PCM1: variants seen among roughly 807,000 people sequenced by gnomAD.
PCM1 encodes pericentriolar material 1.
Under a neutral mutation model 241.9 loss-of-function variants are expected in PCM1, and 157 were observed. The observed-to-expected ratio is 0.65, with a 90% CI of 0.57 to 0.74. PCM1 has a LOEUF of 0.74. PCM1 is among the 30% of genes least tolerant of loss of function. The probability of loss-of-function intolerance (pLI) is 0.00; values close to 1 mark genes in which losing one functional copy is unlikely to be tolerated. For synonymous variants in PCM1, 1,085 were observed against 784.9 expected, an observed-to-expected ratio of 1.38 and a Z score of -6.39; for missense variants, 3,478 against 2,360.1, an observed-to-expected ratio of 1.47 and a Z score of -9.81.
At chr8:18,010,503 G>A (rs2129485317) in intron 31 of PCM1, 106 bp from the exon 32 acceptor site, 5 of 760,490 alleles carry the variant, frequency 6.6e-6, no homozygotes, top group South Asian at 3.5e-5. Flanking sequence ...ATACAGGCCA[G>A]GCTTAGGTCT....
At chr8:18,017,092 G>A (rs1002354908) in intron 36 of PCM1, among the ~76,000 whole-genome samples, 1 of 152,122 alleles carries the variant, frequency 6.6e-6, no homozygotes, top group East Asian at 1.9e-4. Flanking sequence ...GAAGAGTATT[G>A]CCAACCCTTT....
chr8:17,977,220 CTT>C (rs2079081384), intron 23 of PCM1, among the ~76,000 whole-genome samples: 1 of 152,062 alleles, frequency 6.6e-6, no homozygotes, highest in Non-Finnish European at 1.5e-5. Flanking sequence ...CACTCATACT[CTT>C]TATTGCTGGT....
intron 6 of PCM1, among the ~76,000 whole-genome samples, chr8:17,946,887 C>G (rs2064014386): frequency 6.9e-6 from 1 of 144,342 alleles, no homozygotes; most frequent in Admixed American, 6.9e-5. Context: ...GTGTCCGTGT[C>G]CCTCTTGGCC....
intron 29 of PCM1, among the ~76,000 whole-genome samples, chr8:17,999,573 C>T (rs1162276045): frequency 6.6e-6 from 1 of 152,016 alleles, no homozygotes; most frequent in Non-Finnish European, 1.5e-5. Context: ...GCTCTCGTCT[C>T]CTCAAGCAGA....
In PCM1 at chr8:17,947,255, A is replaced by G; in HGVS notation, c.853A>G (p.Arg285Gly). The change falls in exon 7 of 39, where the codon AGA becomes GGA. Residue 285 changes from arginine to glycine, a missense_variant. By Grantham distance (125) the Arg-to-Gly change is moderately radical. Coordinates refer to ENST00000325083, the MANE Select transcript of PCM1 (RefSeq NM_006197.4). ...NLKKQHDLLK[R>G]MLQQQEQLRA... ...GAAGAAACAACATGATTTATTAAAA[A>G]GAATGTTACAACAGCAGGAGCAACT... is the stretch of plus-strand genomic sequence containing the variant. The G allele has an allele frequency of 6.2e-7, 1 of 1,610,872 alleles. No homozygotes were observed. The highest frequency in any genetic ancestry group is 8.5e-7 in the Non-Finnish European group (1 of 1,177,298).
intron 21 of PCM1, among the ~76,000 whole-genome samples, chr8:17,968,026 G>A (rs943732666): frequency 2.0e-5 from 3 of 151,048 alleles, no homozygotes; most frequent in African/African-American, 7.4e-5. Context: ...TGCAAATGCT[G>A]GGAAGTGTCA....
At position 17,955,466 on chromosome 8, in the gene PCM1, T is replaced by C; in HGVS notation, c.1289-4T>C. The C allele has an allele frequency of 1.1e-5, 18 of 1,579,646 alleles. No homozygotes were observed. Among genetic ancestry groups the C allele is most frequent in the Non-Finnish European group, 1.5e-5 (18 of 1,163,958 alleles). On this transcript the variant is annotated splice_region_variant and splice_polypyrimidine_tract_variant and intron_variant, in intron 9 of 38. Coordinates refer to ENST00000325083, the MANE Select transcript of PCM1 (RefSeq NM_006197.4). ...AAAATTTTTTGTTGTTGTGCCTTCT[T>C]CAGCCTCTCCACAAAGGAGTGTCGA...
chr8:18,015,362 A>G (rs193218500), intron 36 of PCM1, among the ~76,000 whole-genome samples: 1 of 152,306 alleles, frequency 6.6e-6, no homozygotes, highest in East Asian at 1.9e-4. Context: ...AAAAACCTTT[A>G]AAGTAATTAA....
chr8:18,014,595 A>G lies in PCM1; in HGVS notation c.5596A>G (p.Asn1866Asp), dbSNP rs769082190. 5.0e-6 allele frequency: 8 copies of G among 1,603,936 alleles called. No individual in the cohort carries two copies. Among genetic ancestry groups the G allele is most frequent in the Non-Finnish European group, 6.8e-6 (8 of 1,173,674 alleles). The change falls in exon 36 of 39, where the codon AAC (asparagine) becomes GAC (aspartate). Residue 1866 changes from asparagine (N) to aspartate (D), a missense_variant. Physicochemically the swap from Asn to Asp is conservative, Grantham distance 23. Transcript: ENST00000325083. Reference protein sequence around the residue: ...REATSKNDQNNCPVKPCYLNI... With the variant: ...REATSKNDQNDCPVKPCYLNI... Reference sequence around the variant, plus strand: ...TCTTTTGATGACAGATGACCAAAATAACTGTCCTGTGAAACCCTGTTACCT... The same window carrying G: ...TCTTTTGATGACAGATGACCAAAATGACTGTCCTGTGAAACCCTGTTACCT...
chr8:18,014,505 G>A (rs576517116), intron 35 of PCM1, 79 bp from the exon 36 acceptor site: 42 of 1,131,458 alleles, frequency 3.7e-5, no homozygotes, highest in East Asian at 4.9e-5. Flanking sequence ...TTATTCAGGC[G>A]TATTGTCTTT....
intron 24 of PCM1, chr8:17,983,272 C>T (rs368559712): frequency 7.5e-7 from 1 of 1,324,810 alleles, no homozygotes; most frequent in Non-Finnish European, 9.9e-7. Flanking sequence ...AACAGAAATG[C>T]ATGCAATGAA....
intron 29 of PCM1, among the ~76,000 whole-genome samples, chr8:18,003,411 T>C (rs1214085819): frequency 6.6e-6 from 1 of 152,182 alleles, no homozygotes; most frequent in Non-Finnish European, 1.5e-5. Context: ...TTGACATTAT[T>C]GAAAAAGGCA....
chr8:18,010,719 AC>A (rs1564365334), intron 32 of PCM1, 51 bp downstream of exon 32: 2 of 1,355,366 alleles, frequency 1.5e-6, no homozygotes, highest in South Asian at 1.3e-5. Flanking sequence ...GCGGTGGCTC[AC>A]CCCCGTAATC....
chr8:17,924,350 G>T (rs1019113426), intron 1 of PCM1, among the ~76,000 whole-genome samples: 118 of 152,172 alleles, frequency 7.8e-4, no homozygotes, highest in African/African-American at 2.7e-3. Context: ...TAAAATCATC[G>T]GATATACGAG....
chr8:18,016,618 A>C (rs1269888189), intron 36 of PCM1, among the ~76,000 whole-genome samples: 2 of 152,264 alleles, frequency 1.3e-5, no homozygotes, highest in African/African-American at 4.8e-5. Context: ...TGCTAAAGGC[A>C]AATAAGACAG....
chr8:17,967,777 C>CAG (rs1307364018), intron 21 of PCM1, among the ~76,000 whole-genome samples: 2 of 152,188 alleles, frequency 1.3e-5, no homozygotes, highest in Non-Finnish European at 2.9e-5. Flanking sequence ...ATGAATAAGA[C>CAG]AGTGCTCTCC....
intron 23 of PCM1, 53 bp downstream of exon 23, chr8:17,972,740 C>G (rs1176823234): frequency 9.0e-7 from 1 of 1,113,598 alleles, no homozygotes; most frequent in African/African-American, 1.6e-5. Flanking sequence ...GGTAATCTTA[C>G]TTTGACATGT....
chr8:17,940,242 G>A (rs757466509), intron 6 of PCM1: 28 of 689,768 alleles, frequency 4.1e-5, no homozygotes, highest in Non-Finnish European at 6.0e-5. Context: ...TTTTATAGGC[G>A]TTCCTTAATG....
intron 28 of PCM1, among the ~76,000 whole-genome samples, chr8:17,992,764 G>A (rs1455299707): frequency 6.6e-6 from 1 of 151,722 alleles, no homozygotes; most frequent in African/African-American, 2.4e-5. Flanking sequence ...TTGTAGGCAT[G>A]TGCCACCATG....
Sources: gnomAD v4.1 joint callset for allele counts (sites outside exome capture counted in the v4.1 genomes callset) on GRCh38, gnomAD v4.1.1 for gene constraint, MANE v1.5 for transcripts, NCBI Gene and HGNC (gene_info 2026-07-23, HGNC 2026-07-21) for gene names.